KAZN: variants seen among roughly 807,000 people sequenced by gnomAD.
KAZN encodes the protein kazrin.
Under a neutral mutation model 87.4 loss-of-function variants are expected in KAZN, and 40 were observed. That is an observed-to-expected ratio of 0.46 (90% confidence interval 0.36 to 0.60). The LOEUF is 0.60. Among genes scored for constraint, KAZN ranks in the 20% least tolerant of loss-of-function variants. KAZN has a pLI of 0.00. For synonymous variants in KAZN, 466 were observed against 458.3 expected, an observed-to-expected ratio of 1.02 and a Z score of -0.22; for missense variants, 898 against 1,073.9, an observed-to-expected ratio of 0.84 and a Z score of 2.29.
chr1:15,011,025 C>A (rs1669523678), intron 2 of KAZN, among the ~76,000 whole-genome samples: 1 of 152,200 alleles, frequency 6.6e-6, no homozygotes, highest in Non-Finnish European at 1.5e-5. Flanking sequence ...ATAGGCTCAA[C>A]TATTTAGAAA....
chr1:14,899,482 G>A (rs978483773), intron 1 of KAZN, among the ~76,000 whole-genome samples: 1 of 152,164 alleles, frequency 6.6e-6, no homozygotes, highest in African/African-American at 2.4e-5. Flanking sequence ...CGAAATTTAG[G>A]AGGCAAAGAG....
At chr1:14,822,413 G>A (rs969989790) in intron 1 of KAZN, among the ~76,000 whole-genome samples, 1 of 152,170 alleles carries the variant, frequency 6.6e-6, no homozygotes, top group African/African-American at 2.4e-5. Flanking sequence ...TCAAGCAATA[G>A]AATCTGCCTC....
rs969065552 is a variant in KAZN at position 15,058,763 on chromosome 1, G to A, written c.917-1409G>A. On this transcript the variant is annotated intron_variant, in intron 5 of 14. Coordinates refer to ENST00000376030, the MANE Select transcript of KAZN (RefSeq NM_201628.3). ...AGGCCAGATGCAGTGGCTCACGCCT[G>A]TAAGCCCAGCACTTTGGGAGGCTGA... Among the ~76,000 whole-genome samples, 69 of 152,306 alleles carry A rather than the reference G, an allele frequency of 4.5e-4. 1 individual carries two copies. The highest frequency in any genetic ancestry group is 1.6e-3 in the African/African-American group (67 of 41,566).
chr1:14,627,393 G>A (rs1679223814), intron 1 of KAZN, among the ~76,000 whole-genome samples: 1 of 152,120 alleles, frequency 6.6e-6, no homozygotes, highest in African/African-American at 2.4e-5. Flanking sequence ...TCAGAGGGGT[G>A]GCTGGGCCAG....
intron 2 of KAZN, among the ~76,000 whole-genome samples, chr1:14,385,010 T>C (rs1312544293): frequency 6.6e-6 from 1 of 151,340 alleles, no homozygotes; most frequent in Non-Finnish European, 1.5e-5. Flanking sequence ...TATTGGTCTA[T>C]TCAGAGATTC....
rs138520228 is a variant in KAZN, at chr1:14,488,395, A to G, written c.250-110588A>G. ...CACTCTGGCCCAATTTGCAAGCTCC[A>G]CTCTGTAGGAAAAATGAGTAAAGGC... On this transcript the variant is annotated intron_variant, in intron 2 of 16. Coordinates refer to the KAZN transcript ENST00000636203. 2.9e-3 allele frequency among the ~76,000 whole-genome samples: 439 copies of G among 152,216 alleles called. 1 individual carries two copies. Among genetic ancestry groups the G allele is most frequent in the African/African-American group, 9.9e-3 (411 of 41,538 alleles).
chr1:13,994,034 C>A (rs904505158), intron 1 of KAZN, among the ~76,000 whole-genome samples: 8 of 152,154 alleles, frequency 5.3e-5, no homozygotes, highest in African/African-American at 1.9e-4. Flanking sequence ...CCAAAAAGGA[C>A]CTCGTTCCAC....
At chr1:13,997,152 A>G (rs878962899) in intron 1 of KAZN, among the ~76,000 whole-genome samples, 1 of 147,502 alleles carries the variant, frequency 6.8e-6, no homozygotes, top group Non-Finnish European at 1.5e-5. Context: ...AAACAAACAA[A>G]CAGCAAAAAC....
chr1:14,551,332 G>T (rs1673504378), intron 2 of KAZN, among the ~76,000 whole-genome samples: 1 of 152,142 alleles, frequency 6.6e-6, no homozygotes, highest in African/African-American at 2.4e-5. Context: ...CTGATGTAGG[G>T]CTCCCCTCGT....
At chr1:15,044,966 C>A (rs980191845) in intron 4 of KAZN, among the ~76,000 whole-genome samples, 1 of 152,144 alleles carries the variant, frequency 6.6e-6, no homozygotes, top group African/African-American at 2.4e-5. Flanking sequence ...CCAAACCAAA[C>A]CCTCAAAATA....
intron 1 of KAZN, among the ~76,000 whole-genome samples, chr1:13,959,302 G>A (rs1258225227): frequency 6.6e-6 from 1 of 152,196 alleles, no homozygotes; most frequent in Non-Finnish European, 1.5e-5. Context: ...CAGAGCTGTT[G>A]TTTATAAGCC....
chr1:15,112,542 G>T lies in KAZN; in HGVS notation c.2163+1G>T, dbSNP rs769108457. The stretch of plus-strand genomic sequence containing the variant: ...CGGTCTCAAGTACAAGGCTGGCCGG[G>T]TAAGTCTCTCAATGGATTTACCTGT... On this transcript the variant is annotated splice_donor_variant, in intron 14 of 14. Coordinates refer to ENST00000376030, the MANE Select transcript of KAZN (RefSeq NM_201628.3). LOFTEE classifies it high-confidence loss of function. 3 of 1,530,252 alleles carry T rather than the reference G, an allele frequency of 2.0e-6. No individual in the cohort carries two copies. In the Admixed American group the frequency reaches 5.6e-5, roughly 29 times the overall value. 94.8% of individuals were successfully genotyped at this position (1,530,252 alleles called of 1,614,324 possible).
chr1:14,559,575 A>T lies in KAZN; in HGVS notation c.250-39408A>T, dbSNP rs1445134345. Among the ~76,000 whole-genome samples the T allele has an allele frequency of 2.6e-5, 4 of 152,368 alleles. No individual in the cohort carries two copies. The East Asian group carries it at 7.7e-4, about 29-fold the overall frequency. On this transcript the variant is annotated intron_variant, in intron 2 of 16. Transcript: ENST00000636203. ...GTGTTTGTGAGAATGGAAACAGGCC[A>T]GTAGACGAAGAAGAAGATACTGTAA...
chr1:14,389,912 A>G (rs1384113270), intron 2 of KAZN, among the ~76,000 whole-genome samples: 1 of 152,198 alleles, frequency 6.6e-6, no homozygotes, highest in Non-Finnish European at 1.5e-5. Flanking sequence ...TGGGTACCCC[A>G]TTTACCCTGC....
intron 1 of KAZN, among the ~76,000 whole-genome samples, chr1:14,026,430 C>G (rs187622786): frequency 6.6e-6 from 1 of 152,338 alleles, no homozygotes; most frequent in East Asian, 1.9e-4. Flanking sequence ...CAGATTCCAT[C>G]TTAGCCCCAT....
intron 1 of KAZN, among the ~76,000 whole-genome samples, chr1:14,785,486 G>A (rs559311054): frequency 6.6e-6 from 1 of 152,170 alleles, no homozygotes; most frequent in South Asian, 2.1e-4. Flanking sequence ...CGTTCCTCTG[G>A]CGCTGTAGAA....
intron 1 of KAZN, among the ~76,000 whole-genome samples, chr1:14,900,478 G>A (rs1655741086): frequency 6.6e-6 from 1 of 152,158 alleles, no homozygotes; most frequent in East Asian, 1.9e-4. Context: ...GGTTGGCCGG[G>A]CGCAGTGGCT....
chr1:14,009,638 C>CAGTG, intron 1 of KAZN, among the ~76,000 whole-genome samples: 1 of 152,326 alleles, frequency 6.6e-6, no homozygotes, highest in African/African-American at 2.4e-5. Context: ...CTCACATAGT[C>CAGTG]AGTGGTCAGG....
At chr1:14,606,553 G>A (rs187998906) in intron 1 of KAZN, among the ~76,000 whole-genome samples, 1 of 152,218 alleles carries the variant, frequency 6.6e-6, no homozygotes, top group Non-Finnish European at 1.5e-5. Context: ...GGAAGGATGA[G>A]TCCAGGCAAA....
Sources: gnomAD v4.1 joint callset for allele counts (sites outside exome capture counted in the v4.1 genomes callset) on GRCh38, gnomAD v4.1.1 for gene constraint, MANE v1.5 for transcripts, NCBI Gene and HGNC (gene_info 2026-07-23, HGNC 2026-07-21) for gene names.